The following ASIP variants were observed in gnomAD, a reference collection of about 807,000 sequenced individuals.
The protein encoded by ASIP is agouti signaling protein.
A neutral mutation model predicts 10.3 loss-of-function variants in ASIP; 11 were observed. That is an observed-to-expected ratio of 1.07 (90% CI 0.68 to 1.78). The LOEUF is 1.78. Ranked by LOEUF, ASIP falls within the 40% of genes most tolerant of loss-of-function variation. ASIP has a pLI of 0.00. For missense variants in ASIP, 180 were observed against 169.2 expected, an observed-to-expected ratio of 1.06 and a Z score of -0.35; for synonymous variants, 70 against 70.8, an observed-to-expected ratio of 0.99 and a Z score of 0.06.
chr20:34,262,971 G>C, intron 3 of ASIP, 78 bp downstream of exon 3: 2 of 1,523,062 alleles, frequency 1.3e-6, no homozygotes, highest in Non-Finnish European at 1.8e-6. Context: ...CCAACCTCTG[G>C]CTAGGAACTA....
At chr20:34,265,948 A>C (rs1261828193) in intron 3 of ASIP, among the ~76,000 whole-genome samples, 1 of 151,182 alleles carries the variant, frequency 6.6e-6, no homozygotes, top group Non-Finnish European at 1.5e-5. Context: ...AGACTGTCTC[A>C]AAAAAAAACA....
intron 1 of ASIP, among the ~76,000 whole-genome samples, chr20:34,196,335 A>G (rs887544619): frequency 1.6e-4 from 25 of 151,588 alleles, no homozygotes; most frequent in Non-Finnish European, 3.1e-4. Flanking sequence ...CACCACGCCC[A>G]GCTAATTTTT....
chr20:34,262,833 G>A lies in ASIP; in HGVS notation c.162G>A (p.Ala54=), dbSNP rs138013399. ...LLDVPSVSIV[A]LNKKSKQIGR... is the part of the protein sequence containing the mutation. Reference sequence around the variant, plus strand: ...TGCTCCTTTTGTCTCTCTTTGAAGCGCTGAACAAGAAATCCAAACAGATCG... The same window carrying A: ...TGCTCCTTTTGTCTCTCTTTGAAGCACTGAACAAGAAATCCAAACAGATCG... The change falls in exon 3 of 4, where the codon GCG becomes GCA. Residue 54 remains alanine, a splice_region_variant and synonymous_variant. Coordinates refer to ENST00000374954, the MANE Select transcript of ASIP (RefSeq NM_001672.3). The A allele has an allele frequency of 2.4e-5, 39 of 1,613,836 alleles. No individual in the cohort carries two copies. Among genetic ancestry groups the A allele is most frequent in the East Asian group, 8.9e-5 (4 of 44,878 alleles).
intron 1 of ASIP, 109 bp downstream of exon 1, chr20:34,241,598 A>AT (rs2035284705): frequency 3.2e-6 from 3 of 939,722 alleles, no homozygotes; most frequent in Middle Eastern, 5.5e-4. Context: ...AGTTAAACAG[A>AT]TTTTTTTGAT....
At chr20:34,267,507 T>TTTTAAA (rs1165711362) in intron 3 of ASIP, among the ~76,000 whole-genome samples, 1 of 148,500 alleles carries the variant, frequency 6.7e-6, no homozygotes, top group African/African-American at 2.5e-5. Context: ...AGCTACATAA[T>TTTTAAA]TTTAAATTTG....
At chr20:34,233,833 A>G (rs1260021912) in intron 1 of ASIP, among the ~76,000 whole-genome samples, 1 of 152,216 alleles carries the variant, frequency 6.6e-6, no homozygotes, top group Non-Finnish European at 1.5e-5. Context: ...TACCTGAGAA[A>G]AAGTCAACAG....
exon 1 of ASIP, chr20:34,194,716 G>A (rs1216856667): frequency 6.6e-6 from 1 of 152,014 alleles, no homozygotes; most frequent in Non-Finnish European, 1.5e-5. Flanking sequence ...ACCACAGAGA[G>A]CAGCCACTGA....
At chr20:34,213,488 A>T (rs2034987911) in intron 1 of ASIP, 1 of 1,381,374 alleles carries the variant, frequency 7.2e-7, no homozygotes, top group Non-Finnish European at 9.9e-7. Flanking sequence ...ACACTGAAAA[A>T]GTCTGTCTCT....
intron 1 of ASIP, chr20:34,214,452 T>A (rs2034994353): frequency 2.1e-5 from 32 of 1,512,778 alleles, no homozygotes; most frequent in Non-Finnish European, 2.8e-5. Context: ...TTTTGAAACA[T>A]CACCTGAGAA....
At chr20:34,258,700 A>ATATATATATATATACACACAAAC in intron 1 of ASIP, among the ~76,000 whole-genome samples, 1 of 77,922 alleles carries the variant, frequency 1.3e-5, no homozygotes, top group African/African-American at 4.6e-5. Context: ...TACATACTAT[A>ATATATATATATATACACACAAAC]TATATATATT....
upstream of ASIP, among the ~76,000 whole-genome samples, chr20:34,239,342 A>G (rs1480723482): frequency 1.3e-5 from 2 of 151,686 alleles, no homozygotes; most frequent in African/African-American, 4.8e-5. Flanking sequence ...TCAGCCTCCC[A>G]AGTAGCTGGG....
At chr20:34,262,729 C>T (rs1226798133) in intron 2 of ASIP, 103 bp from the exon 3 acceptor site, 3 of 1,306,182 alleles carry the variant, frequency 2.3e-6, no homozygotes, top group African/African-American at 2.9e-5. Context: ...CTTCTCCTCT[C>T]CCTGACCTTG....
In ASIP at chr20:34,262,899, G is replaced by T; in HGVS notation, c.222+6G>T. 6.2e-7 allele frequency: 1 copy of T among 1,613,878 alleles called. No individual in the cohort carries two copies. Among genetic ancestry groups the T allele is most frequent in the African/African-American group, 1.3e-5 (1 of 75,022 alleles). ...AAAAGAAAAGATCTTCTAAGGTAAG[G>T]GCAGGGAAGTTCTGGGAGTTCTCAT... On this transcript the variant is annotated splice_donor_region_variant and intron_variant, in intron 3 of 3. Transcript: ENST00000374954.
chr20:34,257,060 C>CTCTTTTTT (rs2035581815), intron 1 of ASIP, among the ~76,000 whole-genome samples: 3 of 122,362 alleles, frequency 2.5e-5, no homozygotes, highest in Non-Finnish European at 4.9e-5. Context: ...TTCTCTCTCT[C>CTCTTTTTT]TTTCTTTCTC....
chr20:34,261,139 T>C (rs2122662295), intron 2 of ASIP, among the ~76,000 whole-genome samples: 1 of 152,354 alleles, frequency 6.6e-6, no homozygotes, highest in East Asian at 1.9e-4. Context: ...CAAAATCAGG[T>C]ACTTAACTCC....
chr20:34,266,772 G>T (rs916788484), intron 3 of ASIP, among the ~76,000 whole-genome samples: 1 of 152,178 alleles, frequency 6.6e-6, no homozygotes. Context: ...AGTTGAAAAA[G>T]ATTGAAAAAA....
chr20:34,232,454 G>A (rs540034135), intron 1 of ASIP, among the ~76,000 whole-genome samples: 2 of 152,192 alleles, frequency 1.3e-5, no homozygotes, highest in South Asian at 2.1e-4. Context: ...AACCAAATCC[G>A]TCCAATTTAT....
chr20:34,195,864 T>C (rs1312058620), intron 1 of ASIP, among the ~76,000 whole-genome samples: 1 of 152,200 alleles, frequency 6.6e-6, no homozygotes, highest in Non-Finnish European at 1.5e-5. Flanking sequence ...TAGTCTATTT[T>C]ACTGTCCAGC....
At chr20:34,233,143 C>CTTTTTTTT (rs755217642) in intron 1 of ASIP, among the ~76,000 whole-genome samples, 6 of 100,312 alleles carry the variant, frequency 6.0e-5, no homozygotes, top group African/African-American at 2.6e-4. Context: ...GGGACAAGAG[C>CTTTTTTTT]TTTTTTTTTT....
Sources: allele counts gnomAD v4.1 joint callset (sites outside exome capture counted in the v4.1 genomes callset), GRCh38; gene constraint gnomAD v4.1.1; transcripts MANE v1.5; gene names NCBI Gene and HGNC (gene_info 2026-07-23, HGNC 2026-07-21).